The following CNTN5 variants were observed in gnomAD, a reference collection of about 807,000 sequenced individuals.
The protein encoded by CNTN5 is contactin 5.
In CNTN5, 77 loss-of-function variants were observed where a neutral mutation model predicts 129.1. The observed-to-expected ratio is 0.60, with a 90% CI of 0.50 to 0.72. The LOEUF is 0.72. CNTN5 is among the 30% of genes least tolerant of loss of function. The pLI is 0.00. For synonymous variants in CNTN5, 509 were observed against 465.6 expected, an observed-to-expected ratio of 1.09 and a Z score of -1.20; for missense variants, 1,478 against 1,328.8, an observed-to-expected ratio of 1.11 and a Z score of -1.75.
intron 9 of CNTN5, among the ~76,000 whole-genome samples, chr11:100,026,379 A>T (rs1484191395): frequency 6.6e-6 from 1 of 152,162 alleles, no homozygotes; most frequent in South Asian, 2.1e-4. Context: ...AGTTCTTTAT[A>T]GCACTGTGAG....
chr11:99,573,564 A>T (rs1202287753), intron 3 of CNTN5, among the ~76,000 whole-genome samples: 2 of 141,964 alleles, frequency 1.4e-5, no homozygotes, highest in Non-Finnish European at 3.1e-5. Flanking sequence ...ACAGAGTGAG[A>T]CTCCGTCTCA....
At chr11:100,151,750 T>A (rs997604299) in intron 13 of CNTN5, among the ~76,000 whole-genome samples, 2 of 152,148 alleles carry the variant, frequency 1.3e-5, no homozygotes. Context: ...GCTACATGAG[T>A]ATTTTTTTTC....
intron 2 of CNTN5, among the ~76,000 whole-genome samples, chr11:99,462,355 C>CTTTTTTT (rs1944736334): frequency 1.1e-5 from 1 of 88,334 alleles, no homozygotes; most frequent in African/African-American, 3.9e-5. Flanking sequence ...TTTTTCTTTT[C>CTTTTTTT]TTTTCTTTTT....
At chr11:99,633,514 A>G (rs1280386609) in intron 3 of CNTN5, among the ~76,000 whole-genome samples, 3 of 152,198 alleles carry the variant, frequency 2.0e-5, no homozygotes, top group Non-Finnish European at 4.4e-5. Flanking sequence ...ATCATCTACC[A>G]GGTACTTCAT....
At chr11:99,881,425 A>G (rs1287130705) in intron 6 of CNTN5, among the ~76,000 whole-genome samples, 1 of 152,222 alleles carries the variant, frequency 6.6e-6, no homozygotes, top group Non-Finnish European at 1.5e-5. Context: ...ATGATTTTAC[A>G]TGGGGAATGT....
chr11:99,775,847 A>T (rs1945106086), intron 3 of CNTN5, among the ~76,000 whole-genome samples: 1 of 152,034 alleles, frequency 6.6e-6, no homozygotes, highest in Admixed American at 6.6e-5. Context: ...TAAAAAAATT[A>T]TCAAGAAAGA....
chr11:100,027,522 C>G (rs1051790215), intron 9 of CNTN5, among the ~76,000 whole-genome samples: 5 of 152,114 alleles, frequency 3.3e-5, no homozygotes, highest in African/African-American at 1.2e-4. Flanking sequence ...GAGCACTGGT[C>G]CTTCTAATCC....
rs113592977 is a variant in CNTN5 at position 99,232,259 on chromosome 11, A to G, written c.-209-93087A>G. On this transcript the variant is annotated intron_variant, in intron 1 of 24. Coordinates refer to ENST00000524871, the MANE Select transcript of CNTN5 (RefSeq NM_014361.4). Reference sequence around the variant, plus strand: ...TTTGGGCTGTACAGCCATTTTCATGATATTGATTTTTTCTACCCATGAGTG... The same window carrying G: ...TTTGGGCTGTACAGCCATTTTCATGGTATTGATTTTTTCTACCCATGAGTG... 3.5e-3 allele frequency among the ~76,000 whole-genome samples: 534 copies of G among 152,110 alleles called. 4 individuals carry two copies. Among genetic ancestry groups the G allele is most frequent in the African/African-American group, 0.012 (518 of 41,476 alleles).
chr11:99,298,091 A>C (rs1864465058), intron 1 of CNTN5, among the ~76,000 whole-genome samples: 1 of 152,106 alleles, frequency 6.6e-6, no homozygotes, highest in South Asian at 2.1e-4. Context: ...TAAAGGACCC[A>C]AGTGGGCCCT....
chr11:99,298,736 A>G (rs768071170), intron 1 of CNTN5, among the ~76,000 whole-genome samples: 1 of 152,092 alleles, frequency 6.6e-6, no homozygotes, highest in East Asian at 1.9e-4. Flanking sequence ...AATCCAGCCC[A>G]AAAAACATCA....
At chr11:99,511,367 T>G (rs2135411804) in intron 2 of CNTN5, among the ~76,000 whole-genome samples, 1 of 152,280 alleles carries the variant, frequency 6.6e-6, no homozygotes, top group African/African-American at 2.4e-5. Flanking sequence ...GTGAGTTTCT[T>G]AATCCTGAGT....
At chr11:99,401,662 T>C (rs191668103) in intron 2 of CNTN5, among the ~76,000 whole-genome samples, 12 of 152,238 alleles carry the variant, frequency 7.9e-5, no homozygotes, top group Admixed American at 2.6e-4. Context: ...ATCTGTAGAT[T>C]GCTGTGGGTA....
At chr11:100,230,033 G>A (rs1241635157) in intron 16 of CNTN5, among the ~76,000 whole-genome samples, 1 of 152,122 alleles carries the variant, frequency 6.6e-6, no homozygotes, top group Non-Finnish European at 1.5e-5. Context: ...GGTATTTGGA[G>A]TCAAAAAGAC....
In CNTN5 at chr11:99,421,028, C is replaced by A. The variant is rs533112470; in HGVS notation, c.-71+95544C>A. On this transcript the variant is annotated intron_variant, in intron 2 of 24. Coordinates refer to ENST00000524871, the MANE Select transcript of CNTN5 (RefSeq NM_014361.4). ...TCTTTCCTAGCTCTCTTCCTTATTG[C>A]CTGGAAATTATAATTGTGTCTTTCA... Among the ~76,000 whole-genome samples, 10 of 152,102 alleles carry A rather than the reference C, an allele frequency of 6.6e-5. No homozygotes were observed. The South Asian group carries it at 2.1e-3, about 32-fold the overall frequency.
chr11:99,724,348 C>T (rs1943268528), intron 3 of CNTN5, among the ~76,000 whole-genome samples: 1 of 152,074 alleles, frequency 6.6e-6, no homozygotes, highest in Non-Finnish European at 1.5e-5. Flanking sequence ...ACGTTGTATC[C>T]ATGTCTCAAG....
intron 21 of CNTN5, among the ~76,000 whole-genome samples, chr11:100,334,263 G>GA (rs1373879967): frequency 3.9e-5 from 6 of 151,918 alleles, no homozygotes; most frequent in Non-Finnish European, 7.4e-5. Context: ...TGACCATAAT[G>GA]AAAAAATCAA....
chr11:99,174,820 TCA>T (rs1857695405), intron 1 of CNTN5, among the ~76,000 whole-genome samples: 1 of 152,198 alleles, frequency 6.6e-6, no homozygotes, highest in Non-Finnish European at 1.5e-5. Flanking sequence ...AATGCGGTAA[TCA>T]CAGAATTTTC....
chr11:99,835,087 C>T (rs1171007671), intron 4 of CNTN5, among the ~76,000 whole-genome samples: 3 of 152,220 alleles, frequency 2.0e-5, no homozygotes, highest in Admixed American at 6.5e-5. Context: ...TCCAAGGAGA[C>T]TCTGTCCTTT....
intron 1 of CNTN5, among the ~76,000 whole-genome samples, chr11:99,033,739 T>G (rs1229583828): frequency 1.3e-5 from 2 of 152,022 alleles, no homozygotes; most frequent in Non-Finnish European, 2.9e-5. Context: ...CTTCCTCTTT[T>G]CCTAATTGAA....
Sources: gnomAD v4.1 joint callset for allele counts (sites outside exome capture counted in the v4.1 genomes callset) on GRCh38, gnomAD v4.1.1 for gene constraint, MANE v1.5 for transcripts, NCBI Gene and HGNC (gene_info 2026-07-23, HGNC 2026-07-21) for gene names.